Variants in EEF1A2 observed in about 807,000 individuals in gnomAD.
The protein encoded by EEF1A2 is eukaryotic translation elongation factor 1 alpha 2.
Under a neutral mutation model 39.3 loss-of-function variants are expected in EEF1A2, and 5 were observed. The ratio of observed to expected loss-of-function variants is 0.13; its 90% CI spans 0.07 to 0.27. EEF1A2 has a LOEUF of 0.27. EEF1A2 is among the 10% of genes least tolerant of loss of function. The pLI, the probability that EEF1A2 is intolerant of heterozygous loss-of-function variation, is 1.00. For synonymous variants in EEF1A2, 287 were observed against 293.7 expected (o/e 0.98, Z 0.23); for missense variants, 218 against 681.4 (o/e 0.32, Z 7.57).
In EEF1A2 at chr20:63,490,738, G is replaced by T; in HGVS notation, c.773-3C>A. 6.3e-7 allele frequency: 1 copy of T among 1,592,038 alleles called. No individual in the cohort carries two copies. ...GCCCACGGGCACCGTGCCAATGCCT[G>T]CAGAGGGGAGGGGGTGTGAGGGGAA... is the stretch of plus-strand genomic sequence containing the variant. On this transcript the variant is annotated splice_polypyrimidine_tract_variant and splice_region_variant and intron_variant, in intron 5 of 7. Coordinates refer to ENST00000217182, the MANE Select transcript of EEF1A2 (RefSeq NM_001958.5).
chr20:63,497,741 A>G lies in EEF1A2; in HGVS notation c.23T>C (p.Ile8Thr), dbSNP rs1260571752. 1 of 1,612,716 alleles carries G rather than the reference A, an allele frequency of 6.2e-7. No homozygotes were observed. ...CACGTGGCCGATGACCACGATGTTGATGTGGGTCTTCTCCTTGCCCATTTT... is the reference window on the plus strand; with the variant it reads ...CACGTGGCCGATGACCACGATGTTGGTGTGGGTCTTCTCCTTGCCCATTTT... MGKEKTH[I>T]NIVVIGHVDS... The change falls in exon 2 of 8, where the codon ATC becomes ACC. Residue 8 changes from isoleucine (I) to threonine (T), a missense_variant. Physicochemically the swap from Ile to Thr is moderately conservative, Grantham distance 89. This residue lies in a region of EEF1A2 where 28 missense variants were observed against 156.2 expected (regional missense o/e 0.18). Transcript: ENST00000217182. The surrounding 1 kb of genome is among the most constrained non-coding windows in gnomAD (Gnocchi z 7.3).
Position 63,493,273 on chromosome 20 carries a change from C to T in EEF1A2, c.636G>A (p.Lys212=). The change falls in exon 5 of 8, where the codon AAG becomes AAA. Residue 212 remains lysine, a synonymous_variant. Transcript: ENST00000217182. ...LEPSPNMPWF[K]GWKVERKEGN... is the part of the protein sequence containing the mutation. ...CCTCCTTACGCTCCACCTTCCAGCC[C>T]TTGAACCACGGCATCTGGACCAAAG... is the stretch of plus-strand genomic sequence containing the variant. 1 of 1,523,820 alleles carries T rather than the reference C, an allele frequency of 6.6e-7. No individual in the cohort carries two copies. Among genetic ancestry groups the T allele is most frequent in the African/African-American group, 1.4e-5 (1 of 72,394 alleles). The allele number at this position is 1,523,820 out of a possible 1,614,324, so 94.4% of individuals were successfully genotyped here.
intron 6 of EEF1A2, 66 bp from the exon 7 acceptor site, chr20:63,489,218 G>A (rs921915639): frequency 1.0e-5 from 15 of 1,503,184 alleles, no homozygotes; most frequent in Non-Finnish European, 1.4e-5. Flanking sequence ...GCGCCAGAGC[G>A]GGGCTGGGAG....
At chr20:63,494,379 C>T (rs2082406679) in intron 4 of EEF1A2, among the ~76,000 whole-genome samples, 1 of 152,246 alleles carries the variant, frequency 6.6e-6, no homozygotes, top group Non-Finnish European at 1.5e-5. Context: ...CAACCCTGCT[C>T]CAAGATCCCA....
intron 4 of EEF1A2, among the ~76,000 whole-genome samples, chr20:63,494,589 G>T (rs1263368681): frequency 6.6e-6 from 1 of 152,264 alleles, no homozygotes; most frequent in Non-Finnish European, 1.5e-5. Context: ...GGCCAGCCGC[G>T]TGGGAGGCTG....
At chr20:63,491,688 TGGTAGATGGATG>T (rs2082379521) in intron 5 of EEF1A2, among the ~76,000 whole-genome samples, 2 of 80,342 alleles carry the variant, frequency 2.5e-5, no homozygotes, top group Admixed American at 2.4e-4. Flanking sequence ...ATGAATGGGG[TGGTAGATGGATG>T]GGGAGGTGGA....
At chr20:63,491,562 C>T (rs1047004202) in intron 5 of EEF1A2, among the ~76,000 whole-genome samples, 7 of 152,118 alleles carry the variant, frequency 4.6e-5, no homozygotes, top group Admixed American at 2.6e-4. Context: ...GGCTGGGGGT[C>T]TCCTATCAGT....
Position 63,494,736 on chromosome 20 carries a change from C to G in EEF1A2, c.621+69G>C, listed in dbSNP as rs540083938. On this transcript the variant is annotated intron_variant, in intron 4 of 7. Transcript: ENST00000217182. ...CCCTCGACCTCCCCGTGCCACCTGC[C>G]GGTGCCTCGCTCTGGGCCAGGGGGT... The G allele has an allele frequency of 2.4e-5, 37 of 1,531,842 alleles. No individual in the cohort carries two copies. The African/African-American group carries it at 3.4e-4, about 14-fold the overall frequency. 94.9% of individuals were successfully genotyped at this position (1,531,842 alleles called of 1,614,324 possible). A position where few individuals can be genotyped will look rare whatever the true frequency, so the allele number is the denominator to read the frequency against.
Position 63,497,853 on chromosome 20 carries a change from T to C in EEF1A2, c.-71-19A>G. Reference sequence around the variant, plus strand: ...AGTGATTCTGTGGGGCCAGTGGTGGTGGGGAGACCGGTGATGGGGAGCCCC... The same window carrying C: ...AGTGATTCTGTGGGGCCAGTGGTGGCGGGGAGACCGGTGATGGGGAGCCCC... On this transcript the variant is annotated intron_variant, in intron 1 of 7. Coordinates refer to ENST00000217182, the MANE Select transcript of EEF1A2 (RefSeq NM_001958.5). This position sits in a 1 kb window ranked among gnomAD's most constrained non-coding sequence, Gnocchi z 7.3. The C allele has an allele frequency of 6.6e-7, 1 of 1,519,770 alleles. No individual in the cohort carries two copies. The highest frequency in any genetic ancestry group is 8.9e-7 in the Non-Finnish European group (1 of 1,127,360). 94.1% of individuals were successfully genotyped at this position (1,519,770 alleles called of 1,614,324 possible).
At chr20:63,490,856 G>A in intron 5 of EEF1A2, 121 bp from the exon 6 acceptor site, 1 of 1,250,944 alleles carries the variant, frequency 8.0e-7, no homozygotes, top group Non-Finnish European at 1.1e-6. Context: ...ACAGGCCTGG[G>A]GGTTGGGGCC....
intron 2 of EEF1A2, 125 bp from the exon 3 acceptor site, chr20:63,496,160 T>C (rs1600908716): frequency 2.5e-6 from 3 of 1,217,220 alleles, no homozygotes; most frequent in Non-Finnish European, 1.1e-6. Context: ...ACCCCCTTGC[T>C]CTCCGTCGGG....
rs1425838714 is a variant in EEF1A2 at position 63,497,778 on chromosome 20, G to C, written c.-15C>G. On this transcript the variant is annotated 5_prime_UTR_variant, in exon 2 of 8. Transcript: ENST00000217182. This position sits in a 1 kb window ranked among gnomAD's most constrained non-coding sequence, Gnocchi z 7.3. Reference sequence around the variant, plus strand: ...TCCTTGCCCATTTTGCTGGGAGTGTGAGGGGCTGGCGGGACCCGGGGTGCT... The same window carrying C: ...TCCTTGCCCATTTTGCTGGGAGTGTCAGGGGCTGGCGGGACCCGGGGTGCT... 6.2e-7 allele frequency: 1 copy of C among 1,610,070 alleles called. No homozygotes were observed. Among genetic ancestry groups the C allele is most frequent in the East Asian group, 2.2e-5 (1 of 44,818 alleles).
rs1232151271 is a variant in EEF1A2 at position 63,490,518 on chromosome 20, C to T, written c.990G>A (p.Lys330=). Residue 330 remains lysine (K), a synonymous_variant, in exon 6 of 8, where the codon AAG becomes AAA. Coordinates refer to ENST00000217182, the MANE Select transcript of EEF1A2 (RefSeq NM_001958.5). ...IRRGNVCGDS[K]SDPPQEAAQF... ...GAGCAGCCTCCTGCGGCGGGTCAGA[C>T]TTGCTGTCCCCACACACGTTGCCCC... is the stretch of plus-strand genomic sequence containing the variant. 1.2e-6 allele frequency: 2 copies of T among 1,612,418 alleles called. No individual in the cohort carries two copies. The highest frequency in any genetic ancestry group is 2.2e-5 in the East Asian group (1 of 44,894).
chr20:63,489,051 C>T lies in EEF1A2; in HGVS notation c.1131G>A (p.Glu377=). The change falls in exon 7 of 8, where the codon GAG becomes GAA. Residue 377 remains glutamate, a synonymous_variant. Coordinates refer to ENST00000217182, the MANE Select transcript of EEF1A2 (RefSeq NM_001958.5). Reference sequence around the variant, plus strand: ...TCTTGCCAGAGCGCCGGTCAATCTTCTCCTTCAGCTCCGCAAACTTGCAGG... The same window carrying T: ...TCTTGCCAGAGCGCCGGTCAATCTTTTCCTTCAGCTCCGCAAACTTGCAGG... ...HIACKFAELK[E]KIDRRSGKKL... is the part of the protein sequence containing the mutation. The T allele has an allele frequency of 6.2e-7, 1 of 1,612,808 alleles. No homozygotes were observed. The highest frequency in any genetic ancestry group is 8.5e-7 in the Non-Finnish European group (1 of 1,179,942).
intron 6 of EEF1A2, 69 bp downstream of exon 6, chr20:63,490,410 G>A (rs1189722142): frequency 1.9e-6 from 3 of 1,545,266 alleles, no homozygotes; most frequent in Admixed American, 1.8e-5. Flanking sequence ...GCCGACAGCA[G>A]CCTCACCCAG....
chr20:63,490,374 G>A (rs558771513), intron 6 of EEF1A2, 105 bp downstream of exon 6: 265 of 1,445,370 alleles, frequency 1.8e-4, no homozygotes, highest in African/African-American at 1.0e-3. Context: ...CTGAGGGTCT[G>A]GTTTTCTCCC....
intron 4 of EEF1A2, among the ~76,000 whole-genome samples, chr20:63,493,916 G>T (rs1439214877): frequency 6.6e-6 from 1 of 152,254 alleles, no homozygotes; most frequent in Non-Finnish European, 1.5e-5. Flanking sequence ...GGAGTGCAGG[G>T]TCCCTGATGG....
At position 63,488,216 on chromosome 20, in the gene EEF1A2, G is replaced by C. The variant is rs1298279130; in HGVS notation, c.*82C>G. On this transcript the variant is annotated 3_prime_UTR_variant, in exon 8 of 8. Coordinates refer to ENST00000217182, the MANE Select transcript of EEF1A2 (RefSeq NM_001958.5). The stretch of plus-strand genomic sequence containing the variant: ...GTGCGGGGCGCCGGACCGGCGCGCG[G>C]GGCGGGGGCGGGGCGGGGGCCCGGG... 1 of 870,152 alleles carries C rather than the reference G, an allele frequency of 1.1e-6. No homozygotes were observed. Among genetic ancestry groups the C allele is most frequent in the Non-Finnish European group, 1.3e-6 (1 of 746,578 alleles). 53.9% of individuals were successfully genotyped at this position (870,152 alleles called of 1,614,324 possible).
rs368043002 is a variant in EEF1A2 at position 63,495,892 on chromosome 20, G to A, written c.288C>T (p.Arg96=). Residue 96 remains arginine (R), a synonymous_variant, in exon 3 of 8, where the codon CGC becomes CGT. Transcript: ENST00000217182. ...CCGTGATCATGTTCTTGATGAAGTC[G>A]CGGTGGCCGGGGGCATCGATGATGG... ...YITIIDAPGH[R]DFIKNMITGT... is the part of the protein sequence containing the mutation. The A allele has an allele frequency of 1.4e-5, 22 of 1,613,176 alleles. No individual in the cohort carries two copies. The East Asian group carries it at 2.0e-4, about 15-fold the overall frequency.
Sources: allele counts gnomAD v4.1 joint callset (sites outside exome capture counted in the v4.1 genomes callset), GRCh38; gene constraint gnomAD v4.1.1; regional missense constraint gnomAD v4.1.1; non-coding constraint Gnocchi (gnomAD v3.1); transcripts MANE v1.5; gene names NCBI Gene and HGNC (gene_info 2026-07-23, HGNC 2026-07-21).